The following ATP8B4 variants were observed in gnomAD, a reference collection of about 807,000 sequenced individuals.
ATP8B4 encodes the protein probable phospholipid-transporting ATPase IM.
A neutral mutation model predicts 145.6 loss-of-function variants in ATP8B4; 133 were observed. The observed-to-expected ratio is 0.91, with a 90% CI of 0.79 to 1.05. The LOEUF is 1.05. Among genes scored for constraint, ATP8B4 ranks in the 50% least tolerant of loss-of-function variants. The probability of loss-of-function intolerance (pLI) is 0.00; values close to 1 mark genes in which losing one functional copy is unlikely to be tolerated. For missense variants in ATP8B4, 1,458 were observed against 1,425.2 expected (o/e 1.02, Z -0.37); for synonymous variants, 507 against 492.9 (o/e 1.03, Z -0.38).
intron 12 of ATP8B4, among the ~76,000 whole-genome samples, chr15:49,977,621 A>C (rs1287658806): frequency 6.6e-6 from 1 of 152,110 alleles, no homozygotes; most frequent in Non-Finnish European, 1.5e-5. Flanking sequence ...AAGTATGTGG[A>C]AGTGTAAAAT....
intron 27 of ATP8B4, 132 bp from the exon 28 acceptor site, chr15:49,860,607 A>C: frequency 6.4e-6 from 7 of 1,090,996 alleles, no homozygotes; most frequent in Non-Finnish European, 8.8e-6. Context: ...TTTTAAATCT[A>C]AAAACTAAGA....
chr15:50,129,145 A>AC (rs763446595), intron 1 of ATP8B4, among the ~76,000 whole-genome samples: 14 of 152,152 alleles, frequency 9.2e-5, no homozygotes, highest in Non-Finnish European at 2.9e-5. Flanking sequence ...GTAAATTGTG[A>AC]CCCCAGCTAC....
At chr15:49,974,717 C>A (rs1483045934) in intron 12 of ATP8B4, among the ~76,000 whole-genome samples, 1 of 151,996 alleles carries the variant, frequency 6.6e-6, no homozygotes, top group African/African-American at 2.4e-5. Context: ...AATTCCTTAT[C>A]CCAATTGAAA....
intron 7 of ATP8B4, among the ~76,000 whole-genome samples, chr15:50,003,464 C>T (rs188461689): frequency 3.3e-5 from 5 of 152,110 alleles, no homozygotes; most frequent in Admixed American, 3.3e-4. Context: ...TCTGACTTGT[C>T]ACACTGTGAA....
intron 2 of ATP8B4, among the ~76,000 whole-genome samples, chr15:50,087,788 T>G (rs1301791968): frequency 2.0e-5 from 3 of 152,152 alleles, no homozygotes; most frequent in Admixed American, 6.6e-5. Context: ...CTTAAGTTAA[T>G]GTTAATTAAC....
chr15:49,894,636 T>C (rs1473945804), intron 23 of ATP8B4, among the ~76,000 whole-genome samples: 1 of 152,210 alleles, frequency 6.6e-6, no homozygotes, highest in African/African-American at 2.4e-5. Context: ...TTCCATATTC[T>C]GAAATCAGTT....
rs7497350 is a variant in ATP8B4 at position 49,858,706 on chromosome 15, C to A, written c.*1488G>T. 0.056 allele frequency: 8,577 copies of A among 152,018 alleles called. 362 individuals are homozygous for A. Among genetic ancestry groups the A allele is most frequent in the Non-Finnish European group, 0.084 (5,717 of 67,936 alleles). The allele number at this position is 152,018 out of a possible 1,614,324, so 9.4% of individuals were successfully genotyped here. A position where few individuals can be genotyped will look rare whatever the true frequency, so the allele number is the denominator to read the frequency against. On this transcript the variant is annotated 3_prime_UTR_variant, in exon 28 of 28. Coordinates refer to ENST00000284509, the MANE Select transcript of ATP8B4 (RefSeq NM_024837.4). ...TTTCTGGTAGAGAAATGTACCTCCACGGTTATAATTTTATTTCCCTGTAGG... is the reference window on the plus strand; with the variant it reads ...TTTCTGGTAGAGAAATGTACCTCCAAGGTTATAATTTTATTTCCCTGTAGG...
chr15:50,138,604 A>G lies in ATP8B4; in HGVS notation c.-42-31596T>C, dbSNP rs111334855. ...CATCATCTCCCACCTGGTGGCAGAT[A>G]CTGGAATTATACAATGCCAAGGATG... On this transcript the variant is annotated intron_variant, in intron 1 of 3. Transcript: ENST00000558829. 2.5e-3 allele frequency among the ~76,000 whole-genome samples: 381 copies of G among 152,338 alleles called. 2 individuals are homozygous for G. The highest frequency in any genetic ancestry group is 8.9e-3 in the African/African-American group (371 of 41,578).
At chr15:50,022,767 G>A (rs530529207) in intron 6 of ATP8B4, among the ~76,000 whole-genome samples, 13 of 152,296 alleles carry the variant, frequency 8.5e-5, no homozygotes, top group South Asian at 8.3e-4. Context: ...CCCATGCCCC[G>A]CTGACCACAG....
At chr15:50,000,966 T>C (rs925912151) in intron 8 of ATP8B4, among the ~76,000 whole-genome samples, 2 of 152,098 alleles carry the variant, frequency 1.3e-5, no homozygotes, top group Admixed American at 1.3e-4. Flanking sequence ...TGCACAGTTG[T>C]TTGTAGTATT....
intron 2 of ATP8B4, among the ~76,000 whole-genome samples, chr15:50,083,462 T>G (rs2054689245): frequency 6.6e-6 from 1 of 151,190 alleles, no homozygotes; most frequent in East Asian, 1.9e-4. Flanking sequence ...AAAAAAAAAA[T>G]CAGCATCTGC....
chr15:49,960,704 C>G (rs2043988493), intron 14 of ATP8B4, among the ~76,000 whole-genome samples: 1 of 152,060 alleles, frequency 6.6e-6, no homozygotes, highest in Non-Finnish European at 1.5e-5. Flanking sequence ...GAAAAATAAT[C>G]ATGGGACAAA....
At chr15:49,975,928 C>T (rs2045619214) in intron 12 of ATP8B4, among the ~76,000 whole-genome samples, 1 of 152,134 alleles carries the variant, frequency 6.6e-6, no homozygotes, top group African/African-American at 2.4e-5. Flanking sequence ...GGAACCATAG[C>T]TTATTTCTGA....
intron 20 of ATP8B4, among the ~76,000 whole-genome samples, chr15:49,903,834 C>T (rs2038316865): frequency 6.6e-6 from 1 of 151,120 alleles, no homozygotes; most frequent in African/African-American, 2.4e-5. Context: ...GCGGAGGTTG[C>T]AGTGAGCCAA....
intron 12 of ATP8B4, among the ~76,000 whole-genome samples, chr15:49,973,329 C>G (rs2045347305): frequency 6.6e-6 from 1 of 152,190 alleles, no homozygotes; most frequent in Non-Finnish European, 1.5e-5. Context: ...TGCCACTGAT[C>G]TGACAGGAGG....
intron 2 of ATP8B4, among the ~76,000 whole-genome samples, chr15:50,083,796 G>T (rs1020316673): frequency 1.3e-5 from 2 of 152,178 alleles, no homozygotes; most frequent in African/African-American, 4.8e-5. Flanking sequence ...TAGAGCCAAG[G>T]GAAAGTGATT....
At chr15:49,936,545 T>C (rs1756134163) in intron 14 of ATP8B4, among the ~76,000 whole-genome samples, 1 of 152,164 alleles carries the variant, frequency 6.6e-6, no homozygotes, top group South Asian at 2.1e-4. Flanking sequence ...TTTTGGTAAG[T>C]GCCCCACTTC....
At chr15:50,053,506 C>A (rs2052352495) in intron 3 of ATP8B4, among the ~76,000 whole-genome samples, 1 of 152,248 alleles carries the variant, frequency 6.6e-6, no homozygotes, top group Non-Finnish European at 1.5e-5. Flanking sequence ...CCTCTCTAGT[C>A]AAGCCCTTCA....
intron 14 of ATP8B4, among the ~76,000 whole-genome samples, chr15:49,953,577 G>A (rs578087452): frequency 6.6e-5 from 10 of 152,338 alleles, no homozygotes; most frequent in African/African-American, 2.4e-4. Flanking sequence ...GGGGAAAAGT[G>A]CATCCTGGAG....
Sources: allele counts gnomAD v4.1 joint callset (sites outside exome capture counted in the v4.1 genomes callset), GRCh38; gene constraint gnomAD v4.1.1; transcripts MANE v1.5; gene names NCBI Gene and HGNC (gene_info 2026-07-23, HGNC 2026-07-21).